Variants in CCND2 observed in about 807,000 individuals in gnomAD.
CCND2 encodes the protein cyclin D2, also known as G1/S-specific cyclin-D2.
In CCND2, 6 loss-of-function variants were observed where a neutral mutation model predicts 30.2. That is an observed-to-expected ratio of 0.20 (90% CI 0.11 to 0.39). The LOEUF is 0.39. CCND2 is among the 10% of genes least tolerant of loss of function. The pLI, the probability that CCND2 is intolerant of heterozygous loss-of-function variation, is 1.00. For missense variants in CCND2, 235 were observed against 373.4 expected (o/e 0.63, Z 3.06); for synonymous variants, 150 against 153.1 (o/e 0.98, Z 0.15).
chr12:4,301,112 G>A lies in CCND2; in HGVS notation c.*1103G>A, dbSNP rs1049395747. 9 of 233,192 alleles carry A rather than the reference G, an allele frequency of 3.9e-5. No individual in the cohort carries two copies. Among genetic ancestry groups the A allele is most frequent in the Non-Finnish European group, 6.8e-5 (8 of 118,016 alleles). 14.4% of individuals were successfully genotyped at this position (233,192 alleles called of 1,614,324 possible). A position where few individuals can be genotyped will look rare whatever the true frequency, so the allele number is the denominator to read the frequency against. ...TTACTCTTCGCTTCTGGTATCTGGC[G>A]TTCTTTGGTACACAGTTCTGGTGTT... On this transcript the variant is annotated 3_prime_UTR_variant, in exon 5 of 5. Transcript: ENST00000261254.
intron 4 of CCND2, among the ~76,000 whole-genome samples, chr12:4,291,500 G>A (rs1462927983): frequency 1.3e-5 from 2 of 152,128 alleles, no homozygotes; most frequent in South Asian, 4.1e-4. Flanking sequence ...GGGAAATAGA[G>A]GATGAGATTC....
At chr12:4,277,866 C>T (rs1056696289) in intron 2 of CCND2, among the ~76,000 whole-genome samples, 15 of 152,248 alleles carry the variant, frequency 9.9e-5, no homozygotes, top group African/African-American at 3.6e-4. Context: ...TCTGGTAGCA[C>T]ATACGATATT....
At chr12:4,297,967 GAC>G in intron 4 of CCND2, 1 of 297,720 alleles carries the variant, frequency 3.4e-6, no homozygotes, top group South Asian at 2.7e-5. Flanking sequence ...TCAGGATCTT[GAC>G]ACACGCTTCA....
chr12:4,284,144 A>G (rs1213931693), intron 3 of CCND2, among the ~76,000 whole-genome samples: 1 of 152,160 alleles, frequency 6.6e-6, no homozygotes, highest in Non-Finnish European at 1.5e-5. Flanking sequence ...AAGTACTAGG[A>G]GTGAGAGCAG....
chr12:4,290,746 C>A lies in CCND2; in HGVS notation c.720+1756C>A, dbSNP rs1864089800. On this transcript the variant is annotated intron_variant, in intron 4 of 4. Transcript: ENST00000261254. The stretch of plus-strand genomic sequence containing the variant: ...GTGGAAATTTCCCTCCTGGGAGTTG[C>A]TGCTGAGTCTCTTGGCTTTTCGAGA... Among the ~76,000 whole-genome samples, 3 of 152,212 alleles carry A rather than the reference C, an allele frequency of 2.0e-5. No homozygotes were observed. In the South Asian group the frequency reaches 6.2e-4, roughly 32 times the overall value.
At position 4,304,704 on chromosome 12, in the gene CCND2, C is replaced by T. The variant is rs902302535; in HGVS notation, c.*4695C>T. On this transcript the variant is annotated 3_prime_UTR_variant, in exon 5 of 5. Transcript: ENST00000261254. This position sits in a 1 kb window ranked among gnomAD's most constrained non-coding sequence, Gnocchi z 6.2. Reference sequence around the variant, plus strand: ...TGCATGCTGTAGCTGCAGCCTGCATCCCTTCGCCTGCAGCCTACTTTGGGG... The same window carrying T: ...TGCATGCTGTAGCTGCAGCCTGCATTCCTTCGCCTGCAGCCTACTTTGGGG... 4.3e-6 allele frequency: 1 copy of T among 233,620 alleles called. No homozygotes were observed. Among genetic ancestry groups the T allele is most frequent in the Non-Finnish European group, 8.5e-6 (1 of 118,074 alleles). 14.5% of individuals were successfully genotyped at this position (233,620 alleles called of 1,614,324 possible).
In CCND2 at chr12:4,299,736, T is replaced by G; in HGVS notation, c.721-124T>G. 1.0e-6 allele frequency: 1 copy of G among 989,214 alleles called. No individual in the cohort carries two copies. The highest frequency in any genetic ancestry group is 1.8e-5 in the South Asian group (1 of 56,246). The allele number at this position is 989,214 out of a possible 1,614,324, so 61.3% of individuals were successfully genotyped here. A position where few individuals can be genotyped will look rare whatever the true frequency, so the allele number is the denominator to read the frequency against. On this transcript the variant is annotated intron_variant, in intron 4 of 4. Transcript: ENST00000261254. This position sits in a 1 kb window ranked among gnomAD's most constrained non-coding sequence, Gnocchi z 5.2. ...ACTTTAAGAACATCCCTCCTTTACTTCACATTTATTTCTACTGGAAACTAG... is the reference window on the plus strand; with the variant it reads ...ACTTTAAGAACATCCCTCCTTTACTGCACATTTATTTCTACTGGAAACTAG...
chr12:4,290,126 C>G (rs1185332163), intron 4 of CCND2, among the ~76,000 whole-genome samples: 2 of 152,132 alleles, frequency 1.3e-5, no homozygotes, highest in Non-Finnish European at 2.9e-5. Flanking sequence ...ATGGCTGAGG[C>G]CTGCACGAGG....
chr12:4,300,228 A>C lies in CCND2; in HGVS notation c.*219A>C. 2.0e-6 allele frequency: 1 copy of C among 494,590 alleles called. No homozygotes were observed. 30.6% of individuals were successfully genotyped at this position (494,590 alleles called of 1,614,324 possible). On this transcript the variant is annotated 3_prime_UTR_variant, in exon 5 of 5. Coordinates refer to ENST00000261254, the MANE Select transcript of CCND2 (RefSeq NM_001759.4). ...GCCTATTTGAAGTACAGCATAAGGG[A>C]ATCCCTTGTATATGCGAACAGTTAT...
In CCND2 at chr12:4,300,906, A is replaced by G. The variant is rs1312210421; in HGVS notation, c.*897A>G. ...CCTTGGCATTTCTTCTTAGAAAAAA[A>G]CTAATTTTTGGTGCTGATTGGCATG... On this transcript the variant is annotated 3_prime_UTR_variant, in exon 5 of 5. Transcript: ENST00000261254. 25 of 233,588 alleles carry G rather than the reference A, an allele frequency of 1.1e-4. No homozygotes were observed. The Admixed American group carries it at 1.2e-3, about 12-fold the overall frequency. The allele number at this position is 233,588 out of a possible 1,614,324, so 14.5% of individuals were successfully genotyped here.
At chr12:4,295,528 G>A (rs1392089560) in intron 4 of CCND2, among the ~76,000 whole-genome samples, 1 of 152,208 alleles carries the variant, frequency 6.6e-6, no homozygotes, top group African/African-American at 2.4e-5. Flanking sequence ...TGTAATCCTA[G>A]CACTTTGGGA....
At chr12:4,291,445 T>C (rs1276611282) in intron 4 of CCND2, among the ~76,000 whole-genome samples, 1 of 151,730 alleles carries the variant, frequency 6.6e-6, no homozygotes, top group Non-Finnish European at 1.5e-5. Flanking sequence ...AAGTCTTTAC[T>C]GAAGGCCCAG....
rs1591651357 is a variant in CCND2 at position 4,299,058 on chromosome 12, A to G, written c.721-802A>G. On this transcript the variant is annotated intron_variant, in intron 4 of 4. Transcript: ENST00000261254. The surrounding 1 kb of genome is among the most constrained non-coding windows in gnomAD (Gnocchi z 5.2). ...GGTAAAGAAGCAGAAAAAGTTGGGG[A>G]TTTTTTTTTTTAAGTATTTACAGTG... Among the ~76,000 whole-genome samples the G allele has an allele frequency of 6.7e-6, 1 of 149,396 alleles. No individual in the cohort carries two copies. Among genetic ancestry groups the G allele is most frequent in the Admixed American group, 6.7e-5 (1 of 15,016 alleles).
Position 4,276,318 on chromosome 12 carries a change from G to C in CCND2, c.411+98G>C. On this transcript the variant is annotated intron_variant, in intron 2 of 4. Coordinates refer to ENST00000261254, the MANE Select transcript of CCND2 (RefSeq NM_001759.4). This position sits in a 1 kb window ranked among gnomAD's most constrained non-coding sequence, Gnocchi z 4.8. ...CACCACTGCCAGAGCAAATTCTTGG[G>C]ATCCAGAATGACCCCACCAATAGAA... 1.1e-6 allele frequency: 1 copy of C among 952,142 alleles called. No individual in the cohort carries two copies. Among genetic ancestry groups the C allele is most frequent in the Non-Finnish European group, 1.6e-6 (1 of 628,078 alleles). The allele number at this position is 952,142 out of a possible 1,614,324, so 59.0% of individuals were successfully genotyped here.
intron 3 of CCND2, among the ~76,000 whole-genome samples, chr12:4,279,301 C>T (rs530471517): frequency 8.6e-5 from 13 of 151,936 alleles, no homozygotes; most frequent in South Asian, 4.1e-4. Flanking sequence ...GAGGAAATCT[C>T]GAGGGGGATG....
At chr12:4,292,483 C>G (rs1020615861) in intron 4 of CCND2, among the ~76,000 whole-genome samples, 1 of 151,974 alleles carries the variant, frequency 6.6e-6, no homozygotes, top group African/African-American at 2.4e-5. Context: ...GAGGGTCCCC[C>G]TGATTCTTGT....
At chr12:4,280,198 T>G (rs3217813) in intron 3 of CCND2, among the ~76,000 whole-genome samples, 4,066 of 152,384 alleles carry the variant, frequency 0.027, 205 homozygotes, top group African/African-American at 0.092. Flanking sequence ...TAAACCGAAG[T>G]GTAGGTTGGA....
chr12:4,295,130 G>C (rs1031903021), intron 4 of CCND2, among the ~76,000 whole-genome samples: 1 of 152,184 alleles, frequency 6.6e-6, no homozygotes, highest in African/African-American at 2.4e-5. Flanking sequence ...CTAAACAAAG[G>C]TATTCATATG....
intron 1 of CCND2, among the ~76,000 whole-genome samples, chr12:4,275,687 C>G (rs1157228608): frequency 6.0e-5 from 9 of 151,102 alleles, no homozygotes. Flanking sequence ...TTAGAGTGCG[C>G]GAAGGAGTAG....
Sources: gnomAD v4.1 joint callset for allele counts (sites outside exome capture counted in the v4.1 genomes callset) on GRCh38, gnomAD v4.1.1 for gene constraint, Gnocchi (gnomAD v3.1) non-coding constraint, MANE v1.5 for transcripts, NCBI Gene and HGNC (gene_info 2026-07-23, HGNC 2026-07-21) for gene names.